The following BPNT2 variants were observed in gnomAD, a reference collection of about 807,000 sequenced individuals.
BPNT2 encodes 3'(2'), 5'-bisphosphate nucleotidase 2, also known as Golgi-resident adenosine 3',5'-bisphosphate 3'-phosphatase.
Under a neutral mutation model 29.3 loss-of-function variants are expected in BPNT2, and 11 were observed. The observed-to-expected ratio is 0.38, with a 90% confidence interval of 0.24 to 0.62. The LOEUF (loss-of-function observed/expected upper bound fraction) is 0.62, where lower values mean the gene tolerates loss of function less well. Among genes scored for constraint, BPNT2 ranks in the 20% least tolerant of loss-of-function variants. The pLI is 0.62. For missense variants in BPNT2, 459 were observed against 473.4 expected (o/e 0.97, Z 0.28); for synonymous variants, 195 against 187.7 (o/e 1.04, Z -0.32).
At chr8:56,986,435 G>A (rs938331691) in intron 1 of BPNT2, among the ~76,000 whole-genome samples, 1 of 152,178 alleles carries the variant, frequency 6.6e-6, no homozygotes, top group Non-Finnish European at 1.5e-5. Context: ...TGTGAGGACA[G>A]AAAATGTTTA....
In BPNT2 at chr8:56,966,304, T is replaced by A; in HGVS notation, c.695A>T (p.Tyr232Phe). ...AACGATCCTTGGGGTCTTCTCATTGTAGGAAGAGCGGGCTTTCACATTTGA... is the reference window on the plus strand; with the variant it reads ...AACGATCCTTGGGGTCTTCTCATTGAAGGAAGAGCGGGCTTTCACATTTGA... ...GGSNVKARSS[Y>F]NEKTPRIVVS... Residue 232 changes from tyrosine (Y) to phenylalanine (F), a missense_variant, in exon 4 of 5, where the codon TAC becomes TTC. Coordinates refer to ENST00000262644, the MANE Select transcript of BPNT2 (RefSeq NM_017813.5). 1.9e-6 allele frequency: 3 copies of A among 1,614,012 alleles called. No individual in the cohort carries two copies. Among genetic ancestry groups the A allele is most frequent in the Non-Finnish European group, 2.5e-6 (3 of 1,179,898 alleles).
At chr8:56,975,289 G>A (rs13271029) in intron 3 of BPNT2, among the ~76,000 whole-genome samples, 57,262 of 151,914 alleles carry the variant, frequency 0.38, 12,814 homozygotes, top group Non-Finnish European at 0.48. Context: ...GCACACCTAC[G>A]CTTTGGCCTT....
chr8:56,990,790 T>A (rs1056529315), intron 1 of BPNT2, among the ~76,000 whole-genome samples: 8 of 152,150 alleles, frequency 5.3e-5, no homozygotes, highest in Non-Finnish European at 8.8e-5. Flanking sequence ...TTGAGTGCTC[T>A]AGGATAACCC....
intron 4 of BPNT2, among the ~76,000 whole-genome samples, chr8:56,965,376 T>C (rs1020071615): frequency 3.9e-5 from 6 of 152,170 alleles, no homozygotes; most frequent in Non-Finnish European, 8.8e-5. Context: ...TCTCCCTTTA[T>C]GTGTGCTGAG....
At chr8:56,987,818 T>A (rs1806350713) in intron 1 of BPNT2, among the ~76,000 whole-genome samples, 1 of 146,244 alleles carries the variant, frequency 6.8e-6, no homozygotes, top group Non-Finnish European at 1.5e-5. Context: ...AAGCTCCACC[T>A]CCCAAGTTCA....
At chr8:56,979,940 C>A in intron 2 of BPNT2, 95 bp downstream of exon 2, 1 of 1,145,896 alleles carries the variant, frequency 8.7e-7, no homozygotes, top group Non-Finnish European at 1.3e-6. Context: ...ACTGAACAAT[C>A]AGTGAGCCAC....
At position 56,963,991 on chromosome 8, in the gene BPNT2, T is replaced by TAC. The variant is rs1805893823; in HGVS notation, c.881_882insGT (p.Ile296ThrfsTer14). 6.2e-7 allele frequency: 1 copy of TAC among 1,612,724 alleles called. No individual in the cohort carries two copies. Among genetic ancestry groups the TAC allele is most frequent in the Non-Finnish European group, 8.5e-7 (1 of 1,179,222 alleles). ...CACATATATCCCACTTTTTGATGTATGTCACATGGATGTATAAATCAGCTT... is the reference window on the plus strand; with the variant it reads ...CACATATATCCCACTTTTTGATGTATACGTCACATGGATGTATAAATCAGCTT... On this transcript the variant is annotated frameshift_variant, in exon 5 of 5. Transcript: ENST00000262644. LOFTEE classifies it high-confidence loss of function.
chr8:56,971,782 A>AACC (rs1806037005), intron 3 of BPNT2, among the ~76,000 whole-genome samples: 3 of 104,210 alleles, frequency 2.9e-5, no homozygotes, highest in Non-Finnish European at 3.9e-5. Flanking sequence ...ATTTTGTACC[A>AACC]CCCCCCCCCC....
At chr8:56,987,149 G>A (rs1368322585) in intron 1 of BPNT2, among the ~76,000 whole-genome samples, 1 of 152,120 alleles carries the variant, frequency 6.6e-6, no homozygotes, top group Non-Finnish European at 1.5e-5. Flanking sequence ...GGGTTTGAAG[G>A]GACTTCTGGT....
intron 1 of BPNT2, 66 bp downstream of exon 1, chr8:56,993,133 G>T: frequency 1.3e-6 from 2 of 1,549,146 alleles, no homozygotes; most frequent in Non-Finnish European, 1.7e-6. Context: ...ATCCCATACT[G>T]TTAAGAGTCG....
rs959510696 is a variant in BPNT2, at chr8:56,958,652, C to A, written c.*5141G>T. The stretch of plus-strand genomic sequence containing the variant: ...AGGCAAGAACATAGATTGAAAACTC[C>A]ATTTCCTAGTTTTAGTGTAAACTCA... On this transcript the variant is annotated 3_prime_UTR_variant, in exon 5 of 5. Transcript: ENST00000262644. The A allele has an allele frequency of 2.0e-5, 3 of 152,158 alleles. No individual in the cohort carries two copies. Among genetic ancestry groups the A allele is most frequent in the Non-Finnish European group, 2.9e-5 (2 of 68,030 alleles). The allele number at this position is 152,158 out of a possible 1,614,324, so 9.4% of individuals were successfully genotyped here.
In BPNT2 at chr8:56,959,213, GTTATC is replaced by G. The variant is rs1238262547; in HGVS notation, c.*4575_*4579del. The G allele has an allele frequency of 2.0e-5, 3 of 152,088 alleles. No individual in the cohort carries two copies. Among genetic ancestry groups the G allele is most frequent in the African/African-American group, 4.8e-5 (2 of 41,400 alleles). 9.4% of individuals were successfully genotyped at this position (152,088 alleles called of 1,614,324 possible). On this transcript the variant is annotated 3_prime_UTR_variant, in exon 5 of 5. Transcript: ENST00000262644. Reference sequence around the variant, plus strand: ...CTTAACTTCTGAAAGTTTGGTTTATGTTATCTTATCTAGAAAGAAAACTACTTACA... The same window carrying G: ...CTTAACTTCTGAAAGTTTGGTTTATGTTATCTAGAAAGAAAACTACTTACA...
intron 2 of BPNT2, among the ~76,000 whole-genome samples, chr8:56,978,585 A>G (rs777039941): frequency 1.3e-5 from 2 of 152,070 alleles, no homozygotes; most frequent in Non-Finnish European, 2.9e-5. Flanking sequence ...AGACACATGC[A>G]TGTGTATGTT....
intron 4 of BPNT2, chr8:56,964,352 G>T: frequency 3.7e-6 from 1 of 268,682 alleles, no homozygotes; most frequent in South Asian, 3.9e-5. Flanking sequence ...AGGCTGGAGT[G>T]CAACAGCGCG....
intron 1 of BPNT2, among the ~76,000 whole-genome samples, chr8:56,983,887 TA>T (rs1806285878): frequency 6.6e-6 from 1 of 152,106 alleles, no homozygotes; most frequent in Non-Finnish European, 1.5e-5. Context: ...TGTGGTGACT[TA>T]CCTTACCAGA....
Position 56,993,390 on chromosome 8 carries a change from T to C in BPNT2, c.196A>G (p.Met66Val). ...GCGGCCAGCACTGACACAGCCAGCA[T>C]CTCGCGCAAGTCCACGGTGCCCCCA... is the stretch of plus-strand genomic sequence containing the variant. ...ADGGTVDLREMLAVSVLAAVR... is the reference protein window; with the variant it reads ...ADGGTVDLREVLAVSVLAAVR... The change falls in exon 1 of 5, where the codon ATG becomes GTG. Residue 66 changes from methionine (M) to valine (V), a missense_variant. Physicochemically the swap from Met to Val is conservative, Grantham distance 21 (BLOSUM62 1). Transcript: ENST00000262644. The C allele has an allele frequency of 1.2e-6, 2 of 1,608,076 alleles. No homozygotes were observed. The highest frequency in any genetic ancestry group is 1.7e-6 in the Non-Finnish European group (2 of 1,179,496).
intron 3 of BPNT2, among the ~76,000 whole-genome samples, chr8:56,969,999 T>C (rs1248916793): frequency 6.6e-6 from 1 of 152,174 alleles, no homozygotes; most frequent in African/African-American, 2.4e-5. Flanking sequence ...TAATTCCAGT[T>C]AATAGAGAAA....
intron 1 of BPNT2, among the ~76,000 whole-genome samples, chr8:56,989,209 T>C (rs1585569054): frequency 1.3e-5 from 2 of 152,048 alleles, no homozygotes; most frequent in South Asian, 4.2e-4. Flanking sequence ...CCGTCTCTAC[T>C]AAAAATACAA....
chr8:56,977,278 G>C (rs982968735), intron 3 of BPNT2, among the ~76,000 whole-genome samples: 1 of 152,074 alleles, frequency 6.6e-6, no homozygotes, highest in Non-Finnish European at 1.5e-5. Context: ...AAAATCAAGG[G>C]GTCAGCAGGG....
Sources: gnomAD v4.1 joint callset for allele counts (sites outside exome capture counted in the v4.1 genomes callset) on GRCh38, gnomAD v4.1.1 for gene constraint, MANE v1.5 for transcripts, NCBI Gene and HGNC (gene_info 2026-07-23, HGNC 2026-07-21) for gene names.